Variants in ERGIC1 observed in about 807,000 individuals in gnomAD.
ERGIC1 encodes the protein endoplasmic reticulum-Golgi intermediate compartment protein 1.
A neutral mutation model predicts 38.3 loss-of-function variants in ERGIC1; 19 were observed. The observed-to-expected ratio is 0.50, with a 90% CI of 0.35 to 0.73. The LOEUF (loss-of-function observed/expected upper bound fraction) is 0.73. Among genes scored for constraint, ERGIC1 ranks in the 30% least tolerant of loss-of-function variants. The pLI, the probability that ERGIC1 is intolerant of heterozygous loss-of-function variation, is 0.01. For missense variants in ERGIC1, 294 were observed against 389.2 expected, an observed-to-expected ratio of 0.76 and a Z score of 2.06; for synonymous variants, 124 against 157.6, an observed-to-expected ratio of 0.79 and a Z score of 1.60.
At chr5:172,847,930 C>T (rs1761317910) in intron 1 of ERGIC1, among the ~76,000 whole-genome samples, 1 of 152,240 alleles carries the variant, frequency 6.6e-6, no homozygotes, top group African/African-American at 2.4e-5. Flanking sequence ...ATAGCTCCTG[C>T]TGTAAATTGA....
Position 172,893,905 on chromosome 5 carries a change from A to ATATATATATGTGTG in ERGIC1, c.83-3096_83-3095insATATATATGTGTGT, listed in dbSNP as rs1173039695. Among the ~76,000 whole-genome samples, 16 of 15,540 alleles carry ATATATATATGTGTG rather than the reference A, an allele frequency of 1.0e-3. 1 individual carries two copies. Among genetic ancestry groups the ATATATATATGTGTG allele is most frequent in the Non-Finnish European group, 2.5e-3 (12 of 4,712 alleles). 10.2% of individuals were successfully genotyped at this position (15,540 alleles called of 152,430 possible). A position where few individuals can be genotyped will look rare whatever the true frequency, so the allele number is the denominator to read the frequency against. On this transcript the variant is annotated intron_variant, in intron 2 of 9. Transcript: ENST00000393784. ...TATATATATATATATATATATATAT[A>ATATATATATGTGTG]TGTGTGTGTGTGTGTGTGTGTGTGT...
At position 172,870,792 on chromosome 5, in the gene ERGIC1, C is replaced by G. The variant is rs547667879; in HGVS notation, c.21-17907C>G. On this transcript the variant is annotated intron_variant, in intron 1 of 9. Transcript: ENST00000393784. ...CGCCTGCCTGCCTGGATCTCCTCTG[C>G]AAAGCCTCATTGCTGGTGGGTGGTG... Among the ~76,000 whole-genome samples the G allele has an allele frequency of 8.5e-5, 13 of 152,328 alleles. No homozygotes were observed. The South Asian group carries it at 2.7e-3, about 32-fold the overall frequency.
At chr5:172,856,696 T>C (rs1042282404) in intron 1 of ERGIC1, among the ~76,000 whole-genome samples, 2 of 152,096 alleles carry the variant, frequency 1.3e-5, no homozygotes, top group Admixed American at 6.5e-5. Flanking sequence ...CGAAAGTCTT[T>C]TGGTATGGGT....
intron 3 of ERGIC1, among the ~76,000 whole-genome samples, chr5:172,906,912 G>A (rs1454317054): frequency 1.3e-5 from 2 of 152,090 alleles, no homozygotes; most frequent in Non-Finnish European, 2.9e-5. Flanking sequence ...AAGACACCTG[G>A]GCTCAGCACA....
At chr5:172,894,436 C>T (rs548987283) in intron 2 of ERGIC1, among the ~76,000 whole-genome samples, 54 of 151,816 alleles carry the variant, frequency 3.6e-4, no homozygotes, top group African/African-American at 1.0e-3. Context: ...CTTCGTGATC[C>T]GCCCGCCTCG....
intron 1 of ERGIC1, among the ~76,000 whole-genome samples, chr5:172,848,099 C>T (rs1212409783): frequency 6.6e-6 from 1 of 152,256 alleles, no homozygotes; most frequent in African/African-American, 2.4e-5. Context: ...TCTGAGCATA[C>T]TCAAAAGAGA....
In ERGIC1 at chr5:172,949,966, G is replaced by A. The variant is rs373837225; in HGVS notation, c.766-743G>A. Among the ~76,000 whole-genome samples, 64 of 152,250 alleles carry A rather than the reference G, an allele frequency of 4.2e-4. 1 individual carries two copies. Among genetic ancestry groups the A allele is most frequent in the African/African-American group, 1.4e-3 (60 of 41,548 alleles). ...CAGGCAGCTGTAGTCCCAGCTACTC[G>A]GGAGGCTGAGGCAGGAGAATGCCGT... is the stretch of plus-strand genomic sequence containing the variant. On this transcript the variant is annotated intron_variant, in intron 9 of 9. Transcript: ENST00000393784.
chr5:172,890,407 G>C (rs536759266), intron 2 of ERGIC1, among the ~76,000 whole-genome samples: 6 of 152,318 alleles, frequency 3.9e-5, no homozygotes, highest in Admixed American at 3.9e-4. Context: ...TGGAGTTTGT[G>C]GGAAAACTGG....
chr5:172,909,566 C>G (rs1763154998), intron 3 of ERGIC1, 101 bp from the exon 4 acceptor site: 3 of 1,083,942 alleles, frequency 2.8e-6, no homozygotes, highest in Admixed American at 1.7e-5. Flanking sequence ...TCTGGGTTAT[C>G]TAAGTTGTGG....
At chr5:172,835,994 G>A (rs1241441896) in intron 1 of ERGIC1, among the ~76,000 whole-genome samples, 3 of 152,172 alleles carry the variant, frequency 2.0e-5, no homozygotes, top group Non-Finnish European at 4.4e-5. Context: ...ATAGGGATTC[G>A]TGCCACCGCC....
chr5:172,912,135 A>T (rs1581567444), intron 4 of ERGIC1, among the ~76,000 whole-genome samples: 1 of 150,768 alleles, frequency 6.6e-6, no homozygotes, highest in Middle Eastern at 3.4e-3. Context: ...TCATAATATG[A>T]GTAAAATAAT....
intron 1 of ERGIC1, among the ~76,000 whole-genome samples, chr5:172,838,869 G>A (rs2113506059): frequency 6.6e-6 from 1 of 152,304 alleles, no homozygotes; most frequent in East Asian, 1.9e-4. Context: ...TAACATGAAT[G>A]CCTGTATTTC....
Position 172,834,465 on chromosome 5 carries a change from TC to T in ERGIC1, c.20+35del. On this transcript the variant is annotated intron_variant, in intron 1 of 9. Transcript: ENST00000393784. This position sits in a 1 kb window ranked among gnomAD's most constrained non-coding sequence, Gnocchi z 4.1. ...GTGGCGACCCCGGCCAGTCGGGAGTTCCCTCAGCGGGCAGAGGGAGCGCCCC... is the reference window on the plus strand; with the variant it reads ...GTGGCGACCCCGGCCAGTCGGGAGTTCCTCAGCGGGCAGAGGGAGCGCCCC... The T allele has an allele frequency of 1.5e-6, 2 of 1,305,154 alleles. No homozygotes were observed. The highest frequency in any genetic ancestry group is 4.0e-5 in the Admixed American group (1 of 24,932). 80.8% of individuals were successfully genotyped at this position (1,305,154 alleles called of 1,614,324 possible).
intron 2 of ERGIC1, among the ~76,000 whole-genome samples, chr5:172,893,000 G>A (rs1170311229): frequency 6.6e-6 from 1 of 152,126 alleles, no homozygotes; most frequent in Non-Finnish European, 1.5e-5. Context: ...ATTTCAGGAG[G>A]CCTTTCCATC....
intron 1 of ERGIC1, among the ~76,000 whole-genome samples, chr5:172,841,282 C>T (rs1761153532): frequency 6.6e-6 from 1 of 152,190 alleles, no homozygotes; most frequent in African/African-American, 2.4e-5. Context: ...TCAGGGTTCT[C>T]CATACAGCCA....
chr5:172,935,142 C>A (rs200203918), intron 8 of ERGIC1, 46 bp from the exon 9 acceptor site: 403 of 1,613,106 alleles, frequency 2.5e-4, no homozygotes, highest in Middle Eastern at 6.6e-4. Context: ...CCCCGCCCCC[C>A]CTGAGACACA....
intron 9 of ERGIC1, chr5:172,937,049 T>G (rs1561743597): frequency 6.6e-6 from 1 of 152,122 alleles, no homozygotes. Flanking sequence ...AAGGGTGTCA[T>G]AAGTCTGGTG....
intron 9 of ERGIC1, among the ~76,000 whole-genome samples, chr5:172,942,209 T>A (rs1057307926): frequency 2.0e-5 from 3 of 151,376 alleles, no homozygotes; most frequent in Non-Finnish European, 4.4e-5. Context: ...ATAATAATAA[T>A]AAAAAATAAA....
At chr5:172,927,670 C>G (rs1026322571) in intron 7 of ERGIC1, among the ~76,000 whole-genome samples, 2 of 151,468 alleles carry the variant, frequency 1.3e-5, no homozygotes, top group Admixed American at 6.6e-5. Flanking sequence ...ACCTCAGCCT[C>G]CCGGGTTCAA....
Sources: gnomAD v4.1 joint callset for allele counts (sites outside exome capture counted in the v4.1 genomes callset) on GRCh38, gnomAD v4.1.1 for gene constraint, Gnocchi (gnomAD v3.1) non-coding constraint, MANE v1.5 for transcripts, NCBI Gene and HGNC (gene_info 2026-07-23, HGNC 2026-07-21) for gene names.